WDPCP: variants seen among roughly 807,000 people sequenced by gnomAD.
WDPCP encodes the protein WD repeat-containing and planar cell polarity effector protein fritz homolog.
Under a neutral mutation model 93.1 loss-of-function variants are expected in WDPCP, and 71 were observed. The observed-to-expected ratio is 0.76, with a 90% CI of 0.63 to 0.93. The LOEUF is 0.93. Ranked by LOEUF, WDPCP falls within the 40% of genes least tolerant of loss-of-function variation. WDPCP has a pLI of 0.00. For missense variants in WDPCP, 844 were observed against 887.4 expected (o/e 0.95, Z 0.62); for synonymous variants, 315 against 315.0 (o/e 1.00, Z 0.00).
At chr2:63,272,678 A>G (rs531430205) in intron 13 of WDPCP, among the ~76,000 whole-genome samples, 2 of 152,364 alleles carry the variant, frequency 1.3e-5, no homozygotes, top group South Asian at 4.1e-4. Flanking sequence ...GAATGAAATA[A>G]AAAACACAAC....
chr2:63,706,166 C>T (rs554091148), intron 2 of WDPCP, among the ~76,000 whole-genome samples: 1,871 of 150,498 alleles, frequency 0.012, 16 homozygotes, highest in Non-Finnish European at 0.015. Flanking sequence ...CTTCCTCCAT[C>T]CCTTTATTTT....
At chr2:63,361,461 A>G (rs1232115889) in intron 12 of WDPCP, among the ~76,000 whole-genome samples, 1 of 152,218 alleles carries the variant, frequency 6.6e-6, no homozygotes. Flanking sequence ...GGCATAGTGC[A>G]AGGCATATAG....
intron 2 of WDPCP, among the ~76,000 whole-genome samples, chr2:63,667,909 T>C (rs1031026133): frequency 2.0e-5 from 3 of 152,196 alleles, no homozygotes; most frequent in African/African-American, 7.2e-5. Flanking sequence ...TGCCAGGGAA[T>C]GTTCACACAC....
At chr2:63,335,101 G>A (rs1419012640) in intron 12 of WDPCP, among the ~76,000 whole-genome samples, 5 of 152,168 alleles carry the variant, frequency 3.3e-5, no homozygotes, top group Non-Finnish European at 7.3e-5. Flanking sequence ...AGATGCGTAA[G>A]TGACTATTCT....
At chr2:63,677,158 T>C (rs568134224) in intron 2 of WDPCP, among the ~76,000 whole-genome samples, 3 of 152,320 alleles carry the variant, frequency 2.0e-5, no homozygotes, top group Admixed American at 2.0e-4. Context: ...TGAGAACCAC[T>C]GACTTACAGG....
chr2:63,232,117 T>C (rs1238407673), intron 14 of WDPCP, among the ~76,000 whole-genome samples: 8 of 152,332 alleles, frequency 5.3e-5, no homozygotes, highest in Middle Eastern at 3.4e-3. Context: ...CTGGGAAAAC[T>C]GGCTAGCCAT....
chr2:63,227,540 C>T (rs1678390526), intron 14 of WDPCP, among the ~76,000 whole-genome samples: 1 of 151,922 alleles, frequency 6.6e-6, no homozygotes, highest in Non-Finnish European at 1.5e-5. Context: ...TAACATGCAA[C>T]ATTATGGTGG....
intron 2 of WDPCP, among the ~76,000 whole-genome samples, chr2:63,771,161 G>A (rs1670220387): frequency 6.6e-6 from 1 of 151,132 alleles, no homozygotes; most frequent in East Asian, 1.9e-4. Context: ...TGGTGATGGT[G>A]ATCAAGAAAA....
intron 17 of WDPCP, among the ~76,000 whole-genome samples, chr2:63,142,047 AATG>A (rs1671097359): frequency 6.6e-6 from 1 of 152,056 alleles, no homozygotes. Context: ...TAATCTTGCT[AATG>A]ATCTATCAGT....
At chr2:63,439,143 T>C (rs983522166) in intron 7 of WDPCP, among the ~76,000 whole-genome samples, 3 of 152,134 alleles carry the variant, frequency 2.0e-5, no homozygotes, top group African/African-American at 7.2e-5. Flanking sequence ...ACCCAGCATA[T>C]AGAGCCTTTT....
intron 13 of WDPCP, among the ~76,000 whole-genome samples, chr2:63,259,934 T>C (rs1416365838): frequency 6.6e-6 from 1 of 152,178 alleles, no homozygotes; most frequent in Admixed American, 6.5e-5. Context: ...CTCAGAAAGC[T>C]GTATGCCCAG....
At chr2:63,746,955 G>A (rs79450032) in intron 2 of WDPCP, among the ~76,000 whole-genome samples, 27,482 of 151,492 alleles carry the variant, frequency 0.18, 2,731 homozygotes, top group Middle Eastern at 0.27. Context: ...TTTATGGCTC[G>A]GGGGCATCAT....
At chr2:63,217,693 A>T (rs985233075) in intron 14 of WDPCP, among the ~76,000 whole-genome samples, 1 of 152,238 alleles carries the variant, frequency 6.6e-6, no homozygotes, top group Non-Finnish European at 1.5e-5. Context: ...GCTGAGCCAC[A>T]TAATTAATGG....
intron 9 of WDPCP, among the ~76,000 whole-genome samples, chr2:63,426,068 G>A (rs1034652773): frequency 1.3e-5 from 2 of 152,222 alleles, no homozygotes; most frequent in Non-Finnish European, 2.9e-5. Context: ...GGCCGGGCAT[G>A]GTGGCTCACG....
At chr2:63,451,121 G>C (rs1698215479) in intron 6 of WDPCP, among the ~76,000 whole-genome samples, 1 of 151,822 alleles carries the variant, frequency 6.6e-6, no homozygotes, top group Admixed American at 6.6e-5. Flanking sequence ...TTCAAGATAT[G>C]AACGAGAAAT....
At chr2:63,691,318 G>C (rs1477484004) in intron 2 of WDPCP, among the ~76,000 whole-genome samples, 2 of 152,174 alleles carry the variant, frequency 1.3e-5, no homozygotes, top group African/African-American at 4.8e-5. Flanking sequence ...CCCTGAACAG[G>C]TTATGAACAT....
intron 14 of WDPCP, among the ~76,000 whole-genome samples, chr2:63,209,793 A>C (rs1293200083): frequency 1.3e-5 from 2 of 152,262 alleles, no homozygotes; most frequent in Admixed American, 1.3e-4. Context: ...ATTGTAATAT[A>C]TTCATACAAT....
chr2:63,282,004 C>T (rs913244640), intron 13 of WDPCP, among the ~76,000 whole-genome samples: 1 of 152,076 alleles, frequency 6.6e-6, no homozygotes, highest in Non-Finnish European at 1.5e-5. Flanking sequence ...AACCATACCA[C>T]CCAAAGCAAT....
intron 1 of WDPCP, among the ~76,000 whole-genome samples, chr2:63,571,199 C>T (rs4671068): frequency 0.78 from 119,113 of 152,106 alleles, 47,052 homozygotes; most frequent in East Asian, 0.98. Flanking sequence ...GCATAAGCCA[C>T]CGCGCCTGGT....
Sources: gnomAD v4.1 joint callset for allele counts (sites outside exome capture counted in the v4.1 genomes callset) on GRCh38, gnomAD v4.1.1 for gene constraint, MANE v1.5 for transcripts, NCBI Gene and HGNC (gene_info 2026-07-23, HGNC 2026-07-21) for gene names.